Variants in DGKG observed in about 807,000 individuals in gnomAD.
DGKG encodes diacylglycerol kinase gamma, also known as DAG kinase gamma.
A neutral mutation model predicts 105.3 loss-of-function variants in DGKG; 78 were observed. The ratio of observed to expected loss-of-function variants is 0.74; its 90% confidence interval spans 0.62 to 0.89. DGKG has a LOEUF of 0.89. DGKG is among the 40% of genes least tolerant of loss of function. DGKG has a pLI of 0.00. For missense variants in DGKG, 958 were observed against 1,020.1 expected (o/e 0.94, Z 0.83); for synonymous variants, 346 against 367.1 (o/e 0.94, Z 0.66).
At chr3:186,197,286 TTCTGATG>T (rs1332286537) in intron 21 of DGKG, among the ~76,000 whole-genome samples, 2 of 152,016 alleles carry the variant, frequency 1.3e-5, no homozygotes, top group Non-Finnish European at 2.9e-5. Flanking sequence ...TGAATAGGGG[TTCTGATG>T]GGCTGAGAGG....
intron 21 of DGKG, among the ~76,000 whole-genome samples, chr3:186,200,023 C>T (rs542371740): frequency 2.6e-5 from 4 of 152,172 alleles, no homozygotes; most frequent in South Asian, 2.1e-4. Flanking sequence ...CCTATGAGAT[C>T]GCATTTAGAG....
intron 22 of DGKG, among the ~76,000 whole-genome samples, chr3:186,182,642 T>TATA (rs545056593): frequency 5.9e-5 from 9 of 152,234 alleles, no homozygotes; most frequent in Non-Finnish European, 1.2e-4. Flanking sequence ...CAAATGAGTT[T>TATA]ATAATAGCTC....
intron 7 of DGKG, among the ~76,000 whole-genome samples, chr3:186,282,691 T>C (rs879363250): frequency 6.6e-6 from 1 of 151,958 alleles, no homozygotes; most frequent in Non-Finnish European, 1.5e-5. Flanking sequence ...TTCTTTTGTA[T>C]TTTTAGTAGA....
Position 186,306,957 on chromosome 3 carries a change from C to A in DGKG, c.88G>T (p.Asp30Tyr). Residue 30 changes from aspartate to tyrosine, a missense_variant, in exon 3 of 25, where the codon GAT (aspartate) becomes TAT (tyrosine). Physicochemically the swap from Asp to Tyr is radical, Grantham distance 160. Transcript: ENST00000265022. ...CCCTCATTAAATTCAGTCAAGGCATCTTTTATCTTCTTGGAGGAATCTGAA... is the reference window on the plus strand; with the variant it reads ...CCCTCATTAAATTCAGTCAAGGCATATTTTATCTTCTTGGAGGAATCTGAA... ...YSEYSSKKIK[D>Y]ALTEFNEGGS... 1 of 1,612,522 alleles carries A rather than the reference C, an allele frequency of 6.2e-7. No individual in the cohort carries two copies. The highest frequency in any genetic ancestry group is 8.5e-7 in the Non-Finnish European group (1 of 1,178,554).
intron 13 of DGKG, 76 bp downstream of exon 13, chr3:186,267,609 G>T: frequency 8.9e-7 from 1 of 1,119,852 alleles, no homozygotes; most frequent in Non-Finnish European, 1.4e-6. Context: ...GGAAGGATGT[G>T]AATGTCTGAA....
chr3:186,303,187 T>C (rs1724060857), intron 3 of DGKG, among the ~76,000 whole-genome samples: 2 of 152,182 alleles, frequency 1.3e-5, no homozygotes, highest in South Asian at 4.1e-4. Context: ...ATCTGGGTTA[T>C]ACAAAAGTTC....
rs115340635 is a variant in DGKG at position 186,178,176 on chromosome 3, T to G, written c.2095+10026A>C. Among the ~76,000 whole-genome samples, 485 of 152,312 alleles carry G rather than the reference T, an allele frequency of 3.2e-3. 3 individuals carry two copies. The highest frequency in any genetic ancestry group is 0.011 in the African/African-American group (463 of 41,554). On this transcript the variant is annotated intron_variant, in intron 22 of 24. Coordinates refer to ENST00000265022, the MANE Select transcript of DGKG (RefSeq NM_001346.3). ...AGAACTGTGAGAGATCGATTTCTGT[T>G]GTTTACGCCACACAGTCCATGGTAT...
chr3:186,305,497 C>T (rs115976109), intron 3 of DGKG, among the ~76,000 whole-genome samples: 2,374 of 152,144 alleles, frequency 0.016, 70 homozygotes, highest in African/African-American at 0.054. Flanking sequence ...CTTGTAATGA[C>T]CTTCATGTTT....
intron 2 of DGKG, 97 bp from the exon 3 acceptor site, chr3:186,307,074 T>C: frequency 1.2e-6 from 1 of 813,306 alleles, no homozygotes; most frequent in Non-Finnish European, 2.1e-6. Flanking sequence ...ATGTTGGAGC[T>C]GCCCCTCAGT....
Position 186,188,072 on chromosome 3 carries a change from C to G in DGKG, c.2095+130G>C, listed in dbSNP as rs956732468. 4.7e-6 allele frequency: 5 copies of G among 1,073,242 alleles called. No homozygotes were observed. In the Admixed American group the frequency reaches 1.1e-4, roughly 24 times the overall value. The allele number at this position is 1,073,242 out of a possible 1,614,324, so 66.5% of individuals were successfully genotyped here. ...TTGTAAACTTTGCAACATCGGATGACGAGTCAGCATATCCGCAGAGCATGG... is the reference window on the plus strand; with the variant it reads ...TTGTAAACTTTGCAACATCGGATGAGGAGTCAGCATATCCGCAGAGCATGG... On this transcript the variant is annotated intron_variant, in intron 22 of 24. Transcript: ENST00000265022.
Position 186,309,403 on chromosome 3 carries a change from G to A in DGKG, c.68-2426C>T, listed in dbSNP as rs553799598. Among the ~76,000 whole-genome samples, 8 of 152,220 alleles carry A rather than the reference G, an allele frequency of 5.3e-5. No individual in the cohort carries two copies. The East Asian group carries it at 7.7e-4, about 15-fold the overall frequency. On this transcript the variant is annotated intron_variant, in intron 2 of 24. Coordinates refer to ENST00000265022, the MANE Select transcript of DGKG (RefSeq NM_001346.3). ...AGAGTTAAGAACATTGATTTGAAAT[G>A]GTTAAAGATTTTTTTGAGTGGTGAA...
chr3:186,251,694 A>G (rs1427278980), intron 19 of DGKG, 65 bp downstream of exon 19: 33 of 1,587,810 alleles, frequency 2.1e-5, no homozygotes, highest in Non-Finnish European at 2.8e-5. Flanking sequence ...AGGGGACAAC[A>G]GAAGGCTGGA....
intron 2 of DGKG, among the ~76,000 whole-genome samples, chr3:186,311,788 T>C (rs115184189): frequency 0.016 from 2,423 of 152,224 alleles, 71 homozygotes; most frequent in African/African-American, 0.055. Flanking sequence ...CTGCCAGGAC[T>C]AGACCCCAAA....
intron 2 of DGKG, among the ~76,000 whole-genome samples, chr3:186,317,693 G>A (rs930344272): frequency 2.0e-5 from 3 of 152,112 alleles, no homozygotes; most frequent in African/African-American, 7.2e-5. Flanking sequence ...CGTGCATCAG[G>A]AGGCCTCCCA....
chr3:186,186,770 C>G (rs1008061459), intron 22 of DGKG, among the ~76,000 whole-genome samples: 2 of 152,198 alleles, frequency 1.3e-5, no homozygotes, highest in African/African-American at 4.8e-5. Flanking sequence ...CGTGAGCCCA[C>G]AGGGGAATCA....
intron 6 of DGKG, among the ~76,000 whole-genome samples, chr3:186,285,841 G>A (rs565368074): frequency 6.6e-5 from 10 of 152,010 alleles, no homozygotes; most frequent in African/African-American, 1.7e-4. Flanking sequence ...CACCACACCC[G>A]GCTAATTTTT....
At chr3:186,184,562 G>A (rs1717527528) in intron 22 of DGKG, among the ~76,000 whole-genome samples, 1 of 152,022 alleles carries the variant, frequency 6.6e-6, no homozygotes, top group Admixed American at 6.6e-5. Context: ...ACCATGCCTG[G>A]CTAATTTTTG....
At position 186,277,213 on chromosome 3, in the gene DGKG, A is replaced by G. The variant is rs540444683; in HGVS notation, c.793-1549T>C. ...TTGTAAGAATTAAATGACATCATGT[A>G]AGTAAAGCTTCTAGTTCAATGCCTG... On this transcript the variant is annotated intron_variant, in intron 9 of 24. Transcript: ENST00000265022. 2.1e-4 allele frequency among the ~76,000 whole-genome samples: 32 copies of G among 152,386 alleles called. No homozygotes were observed. The South Asian group carries it at 6.6e-3, about 32-fold the overall frequency.
intron 2 of DGKG, among the ~76,000 whole-genome samples, chr3:186,308,324 C>T (rs759266910): frequency 6.6e-6 from 1 of 152,138 alleles, no homozygotes; most frequent in East Asian, 1.9e-4. Flanking sequence ...GCTATCAGCA[C>T]TCTAGACATC....
Sources: gnomAD v4.1 joint callset for allele counts (sites outside exome capture counted in the v4.1 genomes callset) on GRCh38, gnomAD v4.1.1 for gene constraint, MANE v1.5 for transcripts, NCBI Gene and HGNC (gene_info 2026-07-23, HGNC 2026-07-21) for gene names.